PTPRN2: variants seen among roughly 807,000 people sequenced by gnomAD.
PTPRN2 encodes protein tyrosine phosphatase receptor type N2, also known as receptor-type tyrosine-protein phosphatase N2.
PTPRN2 carries 74 observed loss-of-function variants against 118.8 expected under a neutral mutation model. That is an observed-to-expected ratio of 0.62 (90% confidence interval 0.52 to 0.76). PTPRN2 has a LOEUF of 0.76. PTPRN2 is among the 30% of genes least tolerant of loss of function. The pLI, the probability that PTPRN2 is intolerant of heterozygous loss-of-function variation, is 0.00. For synonymous variants in PTPRN2, 641 were observed against 608.0 expected (o/e 1.05, Z -0.80); for missense variants, 1,481 against 1,394.4 (o/e 1.06, Z -0.99).
intron 12 of PTPRN2, among the ~76,000 whole-genome samples, chr7:157,733,179 C>T (rs1176484242): frequency 3.2e-4 from 10 of 31,202 alleles, no homozygotes; most frequent in East Asian, 8.4e-4. Context: ...GTTACCCTTT[C>T]CCGTCCCATG....
In PTPRN2 at chr7:158,022,373, T is replaced by G. The variant is rs1384149739; in HGVS notation, c.1723+58925A>C. Among the ~76,000 whole-genome samples the G allele has an allele frequency of 6.6e-6, 1 of 151,824 alleles. No individual in the cohort carries two copies. Among genetic ancestry groups the G allele is most frequent in the African/African-American group, 2.4e-5 (1 of 41,316 alleles). On this transcript the variant is annotated intron_variant, in intron 11 of 22. Coordinates refer to ENST00000389418, the MANE Select transcript of PTPRN2 (RefSeq NM_002847.5). The surrounding 1 kb of genome is among the most constrained non-coding windows in gnomAD (Gnocchi z 4.6). ...TGAGGGCCCAAGGAAGCACCCCCAC[T>G]CTCCAGTTCCATGATTTCCCACGGT...
chr7:158,129,326 G>A (rs1254586403), intron 9 of PTPRN2, among the ~76,000 whole-genome samples: 1 of 133,412 alleles, frequency 7.5e-6, no homozygotes, highest in Admixed American at 7.5e-5. Context: ...CACACATACT[G>A]TACACCACGC....
intron 11 of PTPRN2, among the ~76,000 whole-genome samples, chr7:158,062,362 G>A (rs1350962193): frequency 1.3e-5 from 2 of 152,254 alleles, no homozygotes; most frequent in Non-Finnish European, 2.9e-5. Context: ...GTGGGGCTCT[G>A]CAGTTTCCCA....
At chr7:157,890,329 C>G (rs917714753) in intron 12 of PTPRN2, among the ~76,000 whole-genome samples, 1 of 152,120 alleles carries the variant, frequency 6.6e-6, no homozygotes, top group African/African-American at 2.4e-5. Context: ...CTCAAGCAAC[C>G]TTCAGTACTA....
chr7:158,044,159 T>G (rs1002438061), intron 11 of PTPRN2, among the ~76,000 whole-genome samples: 1 of 152,180 alleles, frequency 6.6e-6, no homozygotes, highest in African/African-American at 2.4e-5. Context: ...TTACACAATT[T>G]TAAAAGTCAG....
Position 157,621,176 on chromosome 7 carries a change from C to T in PTPRN2, c.2344+186G>A, listed in dbSNP as rs554002403. Among the ~76,000 whole-genome samples the T allele has an allele frequency of 9.6e-5, 14 of 145,806 alleles. 1 individual carries two copies. The highest frequency in any genetic ancestry group is 2.1e-4 in the African/African-American group (8 of 38,748). ...CGGTGCTGGTATGTACAGGTCAGCA[C>T]GGCTAGTTTCCACTGCCTGTAACCC... On this transcript the variant is annotated intron_variant, in intron 15 of 22. Coordinates refer to ENST00000389418, the MANE Select transcript of PTPRN2 (RefSeq NM_002847.5).
At chr7:158,265,358 G>T (rs4909161) in intron 3 of PTPRN2, among the ~76,000 whole-genome samples, 6,858 of 151,870 alleles carry the variant, frequency 0.045, 177 homozygotes, top group East Asian at 0.11. Flanking sequence ...CTGCAGGCAG[G>T]TACATACCTA....
chr7:157,817,422 G>A (rs1806481361), intron 12 of PTPRN2, among the ~76,000 whole-genome samples: 1 of 152,170 alleles, frequency 6.6e-6, no homozygotes, highest in Admixed American at 6.5e-5. Flanking sequence ...CAGGCTGTGG[G>A]GAAAGGAGAG....
intron 2 of PTPRN2, among the ~76,000 whole-genome samples, chr7:158,376,103 C>A (rs564117140): frequency 1.3e-5 from 2 of 152,188 alleles, no homozygotes; most frequent in African/African-American, 4.8e-5. Flanking sequence ...GTCACAGACA[C>A]CCCACCCCTG....
At chr7:158,243,728 TCTG>T (rs1158035739) in intron 3 of PTPRN2, among the ~76,000 whole-genome samples, 3 of 152,152 alleles carry the variant, frequency 2.0e-5, no homozygotes, top group Non-Finnish European at 4.4e-5. Flanking sequence ...AGTTGTAGTC[TCTG>T]CTTAGTACTA....
chr7:158,142,514 G>A (rs1031129170), intron 6 of PTPRN2, among the ~76,000 whole-genome samples: 5 of 152,202 alleles, frequency 3.3e-5, no homozygotes, highest in Admixed American at 2.0e-4. Flanking sequence ...GAAACCTGCC[G>A]TTTAAAACAG....
At chr7:158,522,675 G>C (rs1824295645) in intron 1 of PTPRN2, among the ~76,000 whole-genome samples, 1 of 152,208 alleles carries the variant, frequency 6.6e-6, no homozygotes, top group Non-Finnish European at 1.5e-5. Context: ...GGTGAAGTGA[G>C]GGCATCAGCA....
At chr7:157,669,346 C>T (rs548963691) in intron 13 of PTPRN2, among the ~76,000 whole-genome samples, 35 of 152,344 alleles carry the variant, frequency 2.3e-4, no homozygotes, top group African/African-American at 7.2e-4. Flanking sequence ...ACAGTCCCAC[C>T]GCCTCCAGTG....
At chr7:158,359,879 G>A (rs955688488) in intron 2 of PTPRN2, among the ~76,000 whole-genome samples, 1 of 152,064 alleles carries the variant, frequency 6.6e-6, no homozygotes, top group Non-Finnish European at 1.5e-5. Flanking sequence ...ACCTTAGCTT[G>A]GCCCCTCCTT....
intron 5 of PTPRN2, 57 bp from the exon 6 acceptor site, chr7:158,167,348 G>A: frequency 6.6e-7 from 1 of 1,521,824 alleles, no homozygotes; most frequent in Non-Finnish European, 8.8e-7. Flanking sequence ...TCAGCTGGGG[G>A]CACCAAGATG....
chr7:158,523,123 G>A (rs1824337123), intron 1 of PTPRN2, among the ~76,000 whole-genome samples: 1 of 152,188 alleles, frequency 6.6e-6, no homozygotes, highest in Non-Finnish European at 1.5e-5. Context: ...GGAGGCCAGG[G>A]TGTGACTCTT....
intron 12 of PTPRN2, among the ~76,000 whole-genome samples, chr7:157,721,383 C>T (rs1202064539): frequency 6.6e-6 from 1 of 152,252 alleles, no homozygotes; most frequent in East Asian, 1.9e-4. Flanking sequence ...TTGTAATGAA[C>T]AGCCACGCAC....
At chr7:157,626,271 T>C (rs1037434527) in intron 14 of PTPRN2, among the ~76,000 whole-genome samples, 1 of 152,194 alleles carries the variant, frequency 6.6e-6, no homozygotes, top group Non-Finnish European at 1.5e-5. Flanking sequence ...GTGCAAAATA[T>C]AACCTATTTA....
intron 2 of PTPRN2, among the ~76,000 whole-genome samples, chr7:158,428,710 G>A (rs1328344377): frequency 1.3e-5 from 2 of 152,174 alleles, no homozygotes; most frequent in South Asian, 2.1e-4. Flanking sequence ...GGGGCCGGGC[G>A]GTGAACCAAG....
Sources: allele counts gnomAD v4.1 joint callset (sites outside exome capture counted in the v4.1 genomes callset), GRCh38; gene constraint gnomAD v4.1.1; non-coding constraint Gnocchi (gnomAD v3.1); transcripts MANE v1.5; gene names NCBI Gene and HGNC (gene_info 2026-07-23, HGNC 2026-07-21).